The following CSMD1 variants were observed in gnomAD, a reference collection of about 807,000 sequenced individuals.
CSMD1 encodes CUB and Sushi multiple domains 1.
Under a neutral mutation model 417.5 loss-of-function variants are expected in CSMD1, and 213 were observed. The observed-to-expected ratio is 0.51, with a 90% CI of 0.46 to 0.57. The LOEUF (loss-of-function observed/expected upper bound fraction) is 0.57, where lower values mean the gene tolerates loss of function less well. Among genes scored for constraint, CSMD1 ranks in the 20% least tolerant of loss-of-function variants. The pLI is 0.00. For missense variants in CSMD1, 6,923 were observed against 4,529.7 expected (o/e 1.53, Z -15.17); for synonymous variants, 2,862 against 1,736.8 (o/e 1.65, Z -16.11).
chr8:4,354,802 C>T (rs1381410816), intron 3 of CSMD1, among the ~76,000 whole-genome samples: 1 of 150,486 alleles, frequency 6.6e-6, no homozygotes, highest in Non-Finnish European at 1.5e-5. Flanking sequence ...AAAAGTTTAT[C>T]AAACTTAGTA....
At chr8:3,258,123 T>A (rs1249959709) in intron 26 of CSMD1, among the ~76,000 whole-genome samples, 1 of 151,976 alleles carries the variant, frequency 6.6e-6, no homozygotes, top group Non-Finnish European at 1.5e-5. Context: ...ATGTGGGATA[T>A]GAAAGACAGA....
At chr8:4,677,332 T>A (rs950508730) in intron 1 of CSMD1, among the ~76,000 whole-genome samples, 4 of 151,618 alleles carry the variant, frequency 2.6e-5, no homozygotes, top group Non-Finnish European at 5.9e-5. Flanking sequence ...TAGTTTATCA[T>A]TATAAACATG....
intron 6 of CSMD1, among the ~76,000 whole-genome samples, chr8:3,752,676 C>CAAAAAAAAA (rs200769696): frequency 1.0e-4 from 10 of 96,974 alleles, no homozygotes; most frequent in Admixed American, 1.1e-4. Flanking sequence ...CCCCGCCTGG[C>CAAAAAAAAA]AAAAAAAAAA....
chr8:3,926,443 T>C (rs1809736267), intron 5 of CSMD1, among the ~76,000 whole-genome samples: 1 of 152,110 alleles, frequency 6.6e-6, no homozygotes, highest in African/African-American at 2.4e-5. Flanking sequence ...GAGTCTGTTA[T>C]AAATATTTGT....
chr8:3,676,981 C>T (rs1019445825), intron 7 of CSMD1, among the ~76,000 whole-genome samples: 5 of 151,700 alleles, frequency 3.3e-5, no homozygotes, highest in African/African-American at 9.7e-5. Context: ...GGGAGGGGAA[C>T]ATCATGGACC....
intron 1 of CSMD1, among the ~76,000 whole-genome samples, chr8:4,878,075 G>A (rs1190420680): frequency 6.6e-6 from 1 of 152,068 alleles, no homozygotes; most frequent in Non-Finnish European, 1.5e-5. Flanking sequence ...GTAAAATGAT[G>A]CCATTGTCTG....
chr8:4,262,162 T>A (rs1021786081), intron 3 of CSMD1, among the ~76,000 whole-genome samples: 1 of 152,230 alleles, frequency 6.6e-6, no homozygotes, highest in African/African-American at 2.4e-5. Flanking sequence ...TAGATTCTCA[T>A]TCAGAGTCAT....
At chr8:4,480,053 G>C (rs148967751) in intron 2 of CSMD1, among the ~76,000 whole-genome samples, 1 of 151,868 alleles carries the variant, frequency 6.6e-6, no homozygotes, top group African/African-American at 2.4e-5. Flanking sequence ...TGGAGAATGT[G>C]GTCGTGAGTT....
In CSMD1 at chr8:3,477,901, T is replaced by C. The variant is rs186536186; in HGVS notation, c.1449-9077A>G. 1.5e-4 allele frequency among the ~76,000 whole-genome samples: 23 copies of C among 152,226 alleles called. No homozygotes were observed. In the East Asian group the frequency reaches 4.4e-3, roughly 29 times the overall value. ...TACCACTGCAGAGGGCCAGGGCAGGTGGAAAAGAGCAGGAATCTGATTTAT... is the reference window on the plus strand; with the variant it reads ...TACCACTGCAGAGGGCCAGGGCAGGCGGAAAAGAGCAGGAATCTGATTTAT... On this transcript the variant is annotated intron_variant, in intron 11 of 69. Coordinates refer to ENST00000635120, the MANE Select transcript of CSMD1 (RefSeq NM_033225.6).
intron 3 of CSMD1, among the ~76,000 whole-genome samples, chr8:4,169,862 G>T (rs902180468): frequency 6.7e-6 from 1 of 149,668 alleles, no homozygotes; most frequent in Admixed American, 6.6e-5. Context: ...TCATCATTTA[G>T]GATACTGTGT....
At chr8:3,851,488 C>T (rs1563144669) in intron 5 of CSMD1, among the ~76,000 whole-genome samples, 1 of 152,082 alleles carries the variant, frequency 6.6e-6, no homozygotes, top group Non-Finnish European at 1.5e-5. Context: ...AAAGAAAGAC[C>T]TAGTGTCTTG....
chr8:3,423,602 G>C (rs270075), intron 12 of CSMD1, among the ~76,000 whole-genome samples: 36,003 of 152,106 alleles, frequency 0.24, 4,508 homozygotes, highest in Non-Finnish European at 0.28. Context: ...CCTCCACTCT[G>C]TGGCTTTGGC....
At chr8:3,702,422 C>G (rs1162903238) in intron 7 of CSMD1, 1 of 152,186 alleles carries the variant, frequency 6.6e-6, no homozygotes, top group African/African-American at 2.4e-5. Context: ...AGAAGGGCAT[C>G]CACAGATTAT....
chr8:3,235,246 G>A (rs902511469), intron 26 of CSMD1, among the ~76,000 whole-genome samples: 1 of 152,076 alleles, frequency 6.6e-6, no homozygotes, highest in Non-Finnish European at 1.5e-5. Flanking sequence ...GGACATCAGG[G>A]ATAACAGTTT....
At chr8:3,218,945 G>A (rs1459319076) in intron 29 of CSMD1, among the ~76,000 whole-genome samples, 1 of 152,092 alleles carries the variant, frequency 6.6e-6, no homozygotes, top group Non-Finnish European at 1.5e-5. Flanking sequence ...ATTATAAGGT[G>A]TTAAAACCCG....
intron 12 of CSMD1, among the ~76,000 whole-genome samples, chr8:3,463,351 A>C (rs1385957626): frequency 6.6e-6 from 1 of 152,222 alleles, no homozygotes; most frequent in South Asian, 2.1e-4. Flanking sequence ...CTTGGAAAAA[A>C]ATGTTAAATC....
intron 5 of CSMD1, among the ~76,000 whole-genome samples, chr8:3,853,093 C>T (rs892898373): frequency 1.3e-5 from 2 of 152,152 alleles, no homozygotes; most frequent in Non-Finnish European, 2.9e-5. Flanking sequence ...GCCACCCTGA[C>T]CTCATCATTC....
intron 1 of CSMD1, among the ~76,000 whole-genome samples, chr8:4,964,658 A>G (rs753731032): frequency 3.3e-5 from 5 of 152,128 alleles, no homozygotes; most frequent in Non-Finnish European, 7.4e-5. Context: ...AACACTCTTT[A>G]AAATCTTCTC....
At chr8:4,037,401 G>C (rs898939519) in intron 3 of CSMD1, among the ~76,000 whole-genome samples, 1 of 152,204 alleles carries the variant, frequency 6.6e-6, no homozygotes, top group Non-Finnish European at 1.5e-5. Flanking sequence ...CAGCCCAGTG[G>C]CATTATAGAG....
Sources: allele counts gnomAD v4.1 joint callset (sites outside exome capture counted in the v4.1 genomes callset), GRCh38; gene constraint gnomAD v4.1.1; transcripts MANE v1.5; gene names NCBI Gene and HGNC (gene_info 2026-07-23, HGNC 2026-07-21).